The following DPF3 variants were observed in gnomAD, a reference collection of about 807,000 sequenced individuals.
The protein encoded by DPF3 is double PHD fingers 3, also known as zinc finger protein DPF3.
Under a neutral mutation model 56.8 loss-of-function variants are expected in DPF3, and 18 were observed. The ratio of observed to expected loss-of-function variants is 0.32; its 90% CI spans 0.22 to 0.47. The LOEUF is 0.47. DPF3 is among the 20% of genes least tolerant of loss of function. DPF3 has a pLI of 1.00. For synonymous variants in DPF3, 188 were observed against 180.2 expected, an observed-to-expected ratio of 1.04 and a Z score of -0.35; for missense variants, 403 against 488.8, an observed-to-expected ratio of 0.82 and a Z score of 1.65.
At chr14:72,783,680 C>T (rs1375240822) in intron 1 of DPF3, among the ~76,000 whole-genome samples, 1 of 152,238 alleles carries the variant, frequency 6.6e-6, no homozygotes. Flanking sequence ...CCATTCAAGA[C>T]ATCAGACATT....
rs1031361612 is a variant in DPF3 at position 72,615,228 on chromosome 14, A to ACGGG, written c.*4065_*4068dup. On this transcript the variant is annotated 3_prime_UTR_variant, in exon 11 of 11. Coordinates refer to ENST00000556509, the MANE Select transcript of DPF3 (RefSeq NM_001280542.3). ...TGGTCCTCAGGGCCCGCCCTGGGCC[A>ACGGG]CGGGCGGCGCAACACCCCCTACCTC... 2.0e-5 allele frequency among the ~76,000 whole-genome samples: 3 copies of ACGGG among 152,094 alleles called. No individual in the cohort carries two copies. The highest frequency in any genetic ancestry group is 1.3e-4 in the Admixed American group (2 of 15,268).
At chr14:72,776,598 G>T (rs1891752447) in intron 1 of DPF3, among the ~76,000 whole-genome samples, 1 of 152,072 alleles carries the variant, frequency 6.6e-6, no homozygotes, top group Non-Finnish European at 1.5e-5. Flanking sequence ...ATTTTTCAGA[G>T]CCCATCAATC....
At chr14:72,858,035 T>G (rs1885237250) in intron 1 of DPF3, among the ~76,000 whole-genome samples, 1 of 151,626 alleles carries the variant, frequency 6.6e-6, no homozygotes, top group African/African-American at 2.4e-5. Context: ...CCAGGTGCAG[T>G]GGCTCATGCC....
chr14:72,684,536 A>G (rs528068314), intron 7 of DPF3, among the ~76,000 whole-genome samples: 1 of 152,310 alleles, frequency 6.6e-6, no homozygotes, highest in South Asian at 2.1e-4. Context: ...TTTAGAAGAA[A>G]AAAAAAATGA....
At chr14:72,820,293 C>T (rs1883476022) in intron 1 of DPF3, among the ~76,000 whole-genome samples, 1 of 152,044 alleles carries the variant, frequency 6.6e-6, no homozygotes, top group African/African-American at 2.4e-5. Context: ...AAGACCTCAA[C>T]AGGCAAATGG....
intron 1 of DPF3, among the ~76,000 whole-genome samples, chr14:72,854,132 G>A (rs562888049): frequency 2.5e-4 from 38 of 152,256 alleles, no homozygotes; most frequent in African/African-American, 8.7e-4. Context: ...CAAGATGGGC[G>A]GATCACTTGG....
intron 2 of DPF3, among the ~76,000 whole-genome samples, chr14:72,756,933 G>GAAAGAAAGAAAGAAAGAAAGAAT (rs1567223087): frequency 2.5e-5 from 1 of 39,242 alleles, no homozygotes; most frequent in African/African-American, 1.5e-4. Flanking sequence ...AAAGAAAGAA[G>GAAAGAAAGAAAGAAAGAAAGAAT]AGAAGAGAAG....
At chr14:72,722,465 A>T (rs981492364) in intron 5 of DPF3, among the ~76,000 whole-genome samples, 2 of 152,236 alleles carry the variant, frequency 1.3e-5, no homozygotes, top group African/African-American at 4.8e-5. Context: ...CTCCTAAAGC[A>T]GAATTTCTGA....
At chr14:72,885,357 G>A (rs1304475591) in intron 1 of DPF3, among the ~76,000 whole-genome samples, 1 of 141,346 alleles carries the variant, frequency 7.1e-6, no homozygotes, top group African/African-American at 2.6e-5. Flanking sequence ...AAATGTAGCC[G>A]CTAATTTTTT....
chr14:72,692,748 C>G (rs148477014), intron 7 of DPF3, among the ~76,000 whole-genome samples: 1,648 of 152,340 alleles, frequency 0.011, 88 homozygotes, highest in Admixed American at 0.098. Context: ...GAGTGGCTGG[C>G]TCTTCAGGAG....
chr14:72,832,442 C>T lies in DPF3; in HGVS notation c.33-60549G>A, dbSNP rs143906588. Among the ~76,000 whole-genome samples the T allele has an allele frequency of 4.9e-3, 746 of 152,212 alleles. 9 individuals are homozygous for T. Among genetic ancestry groups the T allele is most frequent in the African/African-American group, 0.017 (712 of 41,520 alleles). On this transcript the variant is annotated intron_variant, in intron 1 of 10. Coordinates refer to ENST00000556509, the MANE Select transcript of DPF3 (RefSeq NM_001280542.3). ...GGGACTCCAAACAAGTAAGAGATCGCCAGTATTCATAGCAGTCCGCAGCTA... is the reference window on the plus strand; with the variant it reads ...GGGACTCCAAACAAGTAAGAGATCGTCAGTATTCATAGCAGTCCGCAGCTA...
At position 72,892,704 on chromosome 14, in the gene DPF3, G is replaced by T; in HGVS notation, c.32+1353C>A. 6.9e-6 allele frequency: 7 copies of T among 1,011,278 alleles called. No individual in the cohort carries two copies. The South Asian group carries it at 2.6e-4, about 38-fold the overall frequency. The allele number at this position is 1,011,278 out of a possible 1,614,324, so 62.6% of individuals were successfully genotyped here. ...GCGGCCACGCACCAGGGAGAATTCG[G>T]CATGAACCGCCCCCCACCCGACCTG... On this transcript the variant is annotated intron_variant, in intron 1 of 10. Coordinates refer to ENST00000556509, the MANE Select transcript of DPF3 (RefSeq NM_001280542.3).
intron 1 of DPF3, among the ~76,000 whole-genome samples, chr14:72,871,415 T>C (rs1208701879): frequency 6.6e-6 from 1 of 152,144 alleles, no homozygotes; most frequent in East Asian, 1.9e-4. Flanking sequence ...TTCTATAAAG[T>C]CAAAAGCAAG....
intron 8 of DPF3, among the ~76,000 whole-genome samples, chr14:72,633,980 G>C (rs979370921): frequency 3.3e-5 from 5 of 152,142 alleles, no homozygotes; most frequent in Non-Finnish European, 7.4e-5. Flanking sequence ...CAATCTCATG[G>C]CTTTCTCTGT....
intron 2 of DPF3, among the ~76,000 whole-genome samples, chr14:72,769,678 C>CAAAAA (rs59586674): frequency 5.2e-4 from 22 of 42,662 alleles, no homozygotes; most frequent in African/African-American, 8.5e-4. Flanking sequence ...GACTCCATCT[C>CAAAAA]AAAAAAAAAA....
intron 5 of DPF3, among the ~76,000 whole-genome samples, chr14:72,721,248 T>C (rs1030713702): frequency 1.3e-5 from 2 of 152,222 alleles, no homozygotes; most frequent in Non-Finnish European, 1.5e-5. Flanking sequence ...TAAATATACA[T>C]GGTTGCACTG....
chr14:72,712,255 T>C (rs1888686119), intron 6 of DPF3, among the ~76,000 whole-genome samples: 1 of 151,534 alleles, frequency 6.6e-6, no homozygotes, highest in South Asian at 2.1e-4. Flanking sequence ...TCACTGAGAG[T>C]CCCGAAACAA....
rs373159288 is a variant in DPF3 at position 72,741,271 on chromosome 14, C to T, written c.302-9337G>A. 7.2e-5 allele frequency among the ~76,000 whole-genome samples: 11 copies of T among 152,248 alleles called. No individual in the cohort carries two copies. In the South Asian group the frequency reaches 8.3e-4, roughly 11 times the overall value. ...CAAGTCCTCCACCCTCCATCCCACA[C>T]GCCTCTCAGAATAACCCCGCAAAAT... On this transcript the variant is annotated intron_variant, in intron 3 of 10. Coordinates refer to ENST00000556509, the MANE Select transcript of DPF3 (RefSeq NM_001280542.3).
intron 1 of DPF3, among the ~76,000 whole-genome samples, chr14:72,838,766 A>G (rs1884411268): frequency 6.6e-6 from 1 of 151,538 alleles, no homozygotes; most frequent in African/African-American, 2.4e-5. Flanking sequence ...CAAAAAAAAA[A>G]AAGGCAATTA....
Sources: gnomAD v4.1 joint callset for allele counts (sites outside exome capture counted in the v4.1 genomes callset) on GRCh38, gnomAD v4.1.1 for gene constraint, MANE v1.5 for transcripts, NCBI Gene and HGNC (gene_info 2026-07-23, HGNC 2026-07-21) for gene names.